Variants in PDPK1 observed in about 807,000 individuals in gnomAD.
The protein encoded by PDPK1 is 3-phosphoinositide-dependent protein kinase 1.
Under a neutral mutation model 39.8 loss-of-function variants are expected in PDPK1, and 7 were observed. That is an observed-to-expected ratio of 0.18 (90% CI 0.10 to 0.33). The LOEUF is 0.33. PDPK1 is among the 10% of genes least tolerant of loss of function. The pLI, the probability that PDPK1 is intolerant of heterozygous loss-of-function variation, is 1.00. For missense variants in PDPK1, 182 were observed against 384.7 expected (o/e 0.47, Z 4.41); for synonymous variants, 118 against 159.1 (o/e 0.74, Z 1.95).
intron 11 of PDPK1, among the ~76,000 whole-genome samples, chr16:2,587,504 G>A (rs2066901727): frequency 6.6e-6 from 1 of 151,974 alleles, no homozygotes; most frequent in African/African-American, 2.4e-5. Context: ...ATTCTTTCTT[G>A]TATATTTTGC....
rs75824263 is a variant in PDPK1 at position 2,586,755 on chromosome 16, C to T, written c.1205C>T (p.Thr402Met). ...SSSHSLSASD[T>M]GLPQRSGSNI... ...TCACACTCCCTGTCAGCCTCCGACA[C>T]GGGCCTGCCCCAGAGGTCAGGCAGC... The change falls in exon 11 of 14, where the codon ACG (threonine) becomes ATG (methionine). Residue 402 changes from threonine to methionine, a missense_variant. Transcript: ENST00000342085. 3.2e-4 allele frequency: 510 copies of T among 1,614,232 alleles called. No homozygotes were observed. The highest frequency in any genetic ancestry group is 4.1e-4 in the Non-Finnish European group (482 of 1,180,024).
chr16:2,588,566 G>A lies in PDPK1; in HGVS notation c.1343+1673G>A, dbSNP rs549994467. ...CTGTTCTTAGAGGGCCTTGGGGTCC[G>A]TCTGGGTACCTTAGCCTGGTGATGG... On this transcript the variant is annotated intron_variant, in intron 11 of 13. Coordinates refer to ENST00000342085, the MANE Select transcript of PDPK1 (RefSeq NM_002613.5). Among the ~76,000 whole-genome samples, 21 of 152,280 alleles carry A rather than the reference G, an allele frequency of 1.4e-4. No individual in the cohort carries two copies. The South Asian group carries it at 2.3e-3, about 17-fold the overall frequency.
intron 11 of PDPK1, among the ~76,000 whole-genome samples, chr16:2,590,505 C>T (rs989276731): frequency 1.3e-5 from 2 of 151,612 alleles, no homozygotes; most frequent in Admixed American, 6.5e-5. Flanking sequence ...TCAATTCTGC[C>T]GCAAACATGA....
At chr16:2,580,265 C>G (rs888385912) in intron 7 of PDPK1, among the ~76,000 whole-genome samples, 1 of 144,246 alleles carries the variant, frequency 6.9e-6, no homozygotes, top group Admixed American at 6.8e-5. Context: ...TACTGTTGTG[C>G]GTTGAAGGGG....
In PDPK1 at chr16:2,598,024, C is replaced by T; in HGVS notation, c.*257C>T. The T allele has an allele frequency of 3.9e-6, 2 of 519,004 alleles. No homozygotes were observed. Among genetic ancestry groups the T allele is most frequent in the South Asian group, 4.7e-5 (2 of 42,962 alleles). The allele number at this position is 519,004 out of a possible 1,614,324, so 32.1% of individuals were successfully genotyped here. ...GTGCTCCGTGGAGGCCTCCGTGTGCCCTCGTTGCCGTGGGGACCCAGCTCC... is the reference window on the plus strand; with the variant it reads ...GTGCTCCGTGGAGGCCTCCGTGTGCTCTCGTTGCCGTGGGGACCCAGCTCC... On this transcript the variant is annotated 3_prime_UTR_variant, in exon 14 of 14. Transcript: ENST00000342085.
intron 11 of PDPK1, among the ~76,000 whole-genome samples, chr16:2,589,302 T>G (rs1264231493): frequency 1.3e-5 from 2 of 152,044 alleles, no homozygotes; most frequent in Admixed American, 1.3e-4. Flanking sequence ...TACTGAGCTC[T>G]TACTATCTCT....
At chr16:2,592,663 A>G (rs1203878744) in intron 11 of PDPK1, 5 of 408,432 alleles carry the variant, frequency 1.2e-5, no homozygotes, top group African/African-American at 1.0e-4. Context: ...CAACAGAGCG[A>G]GACTCTGTCT....
At chr16:2,539,706 T>C (rs1273778491) in intron 1 of PDPK1, among the ~76,000 whole-genome samples, 2 of 152,152 alleles carry the variant, frequency 1.3e-5, no homozygotes, top group Admixed American at 6.5e-5. Flanking sequence ...CCAGGCTCAG[T>C]GGAGGCTGGG....
chr16:2,598,534 G>A lies in PDPK1; in HGVS notation c.*767G>A, dbSNP rs1471936569. 8.6e-6 allele frequency: 2 copies of A among 233,390 alleles called. No individual in the cohort carries two copies. The highest frequency in any genetic ancestry group is 2.2e-5 in the African/African-American group (1 of 45,328). 14.5% of individuals were successfully genotyped at this position (233,390 alleles called of 1,614,324 possible). ...GTGTTGGTCTCTGGGGCTGGAAGCCGAGCGCATGCTGGGAGCGGTACTGTC... is the reference window on the plus strand; with the variant it reads ...GTGTTGGTCTCTGGGGCTGGAAGCCAAGCGCATGCTGGGAGCGGTACTGTC... On this transcript the variant is annotated 3_prime_UTR_variant, in exon 14 of 14. Transcript: ENST00000342085.
chr16:2,540,800 C>G (rs988121760), intron 1 of PDPK1, among the ~76,000 whole-genome samples: 2 of 152,204 alleles, frequency 1.3e-5, no homozygotes, highest in African/African-American at 4.8e-5. Context: ...TGAAATCCTC[C>G]CTTTGGAACA....
intron 1 of PDPK1, among the ~76,000 whole-genome samples, chr16:2,545,767 C>T (rs747084640): frequency 1.2e-4 from 18 of 152,124 alleles, no homozygotes; most frequent in Non-Finnish European, 2.4e-4. Flanking sequence ...CGTGAGATTA[C>T]AGGCGTAAGC....
At position 2,586,909 on chromosome 16, in the gene PDPK1, C is replaced by T; in HGVS notation, c.1343+16C>T. On this transcript the variant is annotated intron_variant, in intron 11 of 13. Transcript: ENST00000342085. ...GAAACCCTTGGTAAGAACTTATGGA[C>T]ATAAGCAATGCTTTTTGCAGAATTG... 1 of 1,608,154 alleles carries T rather than the reference C, an allele frequency of 6.2e-7. No homozygotes were observed. The highest frequency in any genetic ancestry group is 8.5e-7 in the Non-Finnish European group (1 of 1,174,554).
intron 11 of PDPK1, among the ~76,000 whole-genome samples, chr16:2,594,720 C>G (rs774309474): frequency 6.6e-6 from 1 of 152,156 alleles, no homozygotes; most frequent in Admixed American, 6.5e-5. Flanking sequence ...GTATCTGATG[C>G]CTGTAATCCC....
rs760019244 is a variant in PDPK1, at chr16:2,597,179, T to C, written c.1458T>C (p.Tyr486=). 10 of 1,591,144 alleles carry C rather than the reference T, an allele frequency of 6.3e-6. No homozygotes were observed. The highest frequency in any genetic ancestry group is 1.7e-5 in the Admixed American group (1 of 59,430). The change falls in exon 13 of 14, where the codon TAT becomes TAC. Residue 486 remains tyrosine (Y), a synonymous_variant. Transcript: ENST00000342085. The surrounding 1 kb of genome is among the most constrained non-coding windows in gnomAD (Gnocchi z 6.3). ...LLLTEGPHLY[Y]VDPVNKVLKG... Reference sequence around the variant, plus strand: ...TCACAGAAGGACCACATTTATATTATGTGGATCCTGTCAACAAAGTTCTGA... The same window carrying C: ...TCACAGAAGGACCACATTTATATTACGTGGATCCTGTCAACAAAGTTCTGA...
At position 2,597,966 on chromosome 16, in the gene PDPK1, C is replaced by G; in HGVS notation, c.*199C>G. On this transcript the variant is annotated 3_prime_UTR_variant, in exon 14 of 14. Coordinates refer to ENST00000342085, the MANE Select transcript of PDPK1 (RefSeq NM_002613.5). The surrounding 1 kb of genome is among the most constrained non-coding windows in gnomAD (Gnocchi z 6.3). ...CAAAGAACAAAACCAGTAACAAACACAAAGGAATTCAGGGTCGCTTTGCTT... is the reference window on the plus strand; with the variant it reads ...CAAAGAACAAAACCAGTAACAAACAGAAAGGAATTCAGGGTCGCTTTGCTT... 1 of 579,772 alleles carries G rather than the reference C, an allele frequency of 1.7e-6. No individual in the cohort carries two copies. The highest frequency in any genetic ancestry group is 3.1e-6 in the Non-Finnish European group (1 of 326,016). The allele number at this position is 579,772 out of a possible 1,614,324, so 35.9% of individuals were successfully genotyped here.
intron 1 of PDPK1, among the ~76,000 whole-genome samples, chr16:2,551,506 TGGCTC>T (rs1187466452): frequency 2.5e-4 from 38 of 150,946 alleles, no homozygotes; most frequent in Non-Finnish European, 4.9e-4. Flanking sequence ...GTGCGGGCGC[TGGCTC>T]TACCTGTCGC....
chr16:2,578,153 C>T lies in PDPK1; in HGVS notation c.785+653C>T, dbSNP rs568366165. Among the ~76,000 whole-genome samples the T allele has an allele frequency of 3.8e-4, 57 of 148,268 alleles. 1 individual carries two copies. Among genetic ancestry groups the T allele is most frequent in the Non-Finnish European group, 3.5e-4 (24 of 67,774 alleles). On this transcript the variant is annotated intron_variant, in intron 7 of 13. Coordinates refer to ENST00000342085, the MANE Select transcript of PDPK1 (RefSeq NM_002613.5). Reference sequence around the variant, plus strand: ...GGTGGAGGGCAGGCAGCCCGGCCTTCGGGTTGCTCGGCCACACACCAGCTG... The same window carrying T: ...GGTGGAGGGCAGGCAGCCCGGCCTTTGGGTTGCTCGGCCACACACCAGCTG...
In PDPK1 at chr16:2,586,952, G is replaced by T. The variant is rs1335806080; in HGVS notation, c.1343+59G>T. 8 of 1,446,336 alleles carry T rather than the reference G, an allele frequency of 5.5e-6. No homozygotes were observed. The East Asian group carries it at 1.8e-4, about 33-fold the overall frequency. The allele number at this position is 1,446,336 out of a possible 1,614,324, so 89.6% of individuals were successfully genotyped here. On this transcript the variant is annotated intron_variant, in intron 11 of 13. Transcript: ENST00000342085. ...CAGAATTGCAGCGTGAACACGTGGG[G>T]GCTTATGGTGGGTGCCTTTGCCTTG... is the stretch of plus-strand genomic sequence containing the variant.
Position 2,597,093 on chromosome 16 carries a change from G to C in PDPK1, c.1402-30G>C. The stretch of plus-strand genomic sequence containing the variant: ...GGAGATGCCGTCAGCACTGGCCTCT[G>C]AGGCCTGTTGTTTTGTGTTTTGGCG... On this transcript the variant is annotated intron_variant, in intron 12 of 13. Coordinates refer to ENST00000342085, the MANE Select transcript of PDPK1 (RefSeq NM_002613.5). The surrounding 1 kb of genome is among the most constrained non-coding windows in gnomAD (Gnocchi z 6.3). 6.5e-7 allele frequency: 1 copy of C among 1,530,504 alleles called. No homozygotes were observed. Among genetic ancestry groups the C allele is most frequent in the Non-Finnish European group, 8.8e-7 (1 of 1,131,544 alleles). 94.8% of individuals were successfully genotyped at this position (1,530,504 alleles called of 1,614,324 possible). A position where few individuals can be genotyped will look rare whatever the true frequency, so the allele number is the denominator to read the frequency against.
Sources: allele counts gnomAD v4.1 joint callset (sites outside exome capture counted in the v4.1 genomes callset), GRCh38; gene constraint gnomAD v4.1.1; non-coding constraint Gnocchi (gnomAD v3.1); transcripts MANE v1.5; gene names NCBI Gene and HGNC (gene_info 2026-07-23, HGNC 2026-07-21).